ASPRV1: variants seen among roughly 807,000 people sequenced by gnomAD.
The protein encoded by ASPRV1 is retroviral-like aspartic protease 1.
ASPRV1 carries 7 observed loss-of-function variants against 11.0 expected under a neutral mutation model. The observed-to-expected ratio is 0.64, with a 90% confidence interval of 0.36 to 1.20. The LOEUF is 1.20. ASPRV1 is among the 50% of genes most tolerant of loss of function. ASPRV1 has a pLI of 0.02. For missense variants in ASPRV1, 299 were observed against 320.0 expected (o/e 0.93, Z 0.50); for synonymous variants, 136 against 138.4 (o/e 0.98, Z 0.12).
At chr2:69,962,559 C>T (rs1678162408), upstream of ASPRV1, 1 of 152,570 alleles carries the variant, frequency 6.6e-6, no homozygotes, top group Admixed American at 6.5e-5. Flanking sequence ...GGCTCTGGCT[C>T]TGTGCCCCTC....
chr2:70,071,637 G>A, the ASPRV1 span: 1 of 152,182 alleles, frequency 6.6e-6, no homozygotes, highest in African/African-American at 2.4e-5. Flanking sequence ...AGCTACTCAG[G>A]AGGCCAAGGC....
chr2:70,051,417 C>T, the ASPRV1 span: 1 of 152,114 alleles, frequency 6.6e-6, no homozygotes, highest in East Asian at 1.9e-4. Flanking sequence ...AGTTTGGCTC[C>T]GTGAATTGAC....
chr2:70,008,174 G>A, the ASPRV1 span, among the ~76,000 whole-genome samples: 8 of 151,830 alleles, frequency 5.3e-5, no homozygotes, highest in African/African-American at 9.7e-5. Flanking sequence ...TTTTGAATGA[G>A]ATAAATCTAT....
At chr2:70,016,092 C>T in the ASPRV1 span, 1 of 152,218 alleles carries the variant, frequency 6.6e-6, no homozygotes, top group Non-Finnish European at 1.5e-5. Flanking sequence ...AACATTCCAT[C>T]CAACAGCAGC....
upstream of ASPRV1, chr2:69,962,828 G>A (rs558591909): frequency 9.8e-5 from 18 of 184,354 alleles, no homozygotes; most frequent in Non-Finnish European, 1.4e-4. Context: ...CAGAGTCTGG[G>A]GCTCACAAAC....
chr2:70,041,559 T>C, the ASPRV1 span, among the ~76,000 whole-genome samples: 1 of 152,182 alleles, frequency 6.6e-6, no homozygotes, highest in Non-Finnish European at 1.5e-5. Flanking sequence ...ACTCATTCCA[T>C]AAAAATGAGC....
chr2:70,035,866 C>CA, the ASPRV1 span, among the ~76,000 whole-genome samples: 1 of 151,320 alleles, frequency 6.6e-6, no homozygotes, highest in African/African-American at 2.4e-5. Context: ...AATGACTTCA[C>CA]AAAATTTTTT....
At chr2:69,985,593 G>C in the ASPRV1 span, among the ~76,000 whole-genome samples, 27 of 152,222 alleles carry the variant, frequency 1.8e-4, no homozygotes, top group Non-Finnish European at 3.5e-4. Flanking sequence ...TATGGGCTCA[G>C]CTCTGGGCTG....
At chr2:69,940,403 A>T in the ASPRV1 span, 4 of 152,560 alleles carry the variant, frequency 2.6e-5, no homozygotes, top group Non-Finnish European at 4.4e-5. Context: ...GCGCCTCACA[A>T]GTCCACAATG....
At chr2:69,944,438 C>T in the ASPRV1 span, among the ~76,000 whole-genome samples, 88,664 of 152,086 alleles carry the variant, frequency 0.58, 28,958 homozygotes, top group African/African-American at 0.87. Flanking sequence ...ACATTGGCCC[C>T]GGGAGGGGAG....
the ASPRV1 span, among the ~76,000 whole-genome samples, chr2:70,076,623 T>C: frequency 6.6e-6 from 1 of 152,236 alleles, no homozygotes; most frequent in Non-Finnish European, 1.5e-5. Flanking sequence ...TTTGATACAC[T>C]TAGCCTACCA....
At chr2:70,029,281 C>G in the ASPRV1 span, among the ~76,000 whole-genome samples, 1 of 152,106 alleles carries the variant, frequency 6.6e-6, no homozygotes, top group African/African-American at 2.4e-5. Context: ...AAGTGACGCC[C>G]TGACTACCAT....
chr2:69,953,587 T>C, the ASPRV1 span, among the ~76,000 whole-genome samples: 3 of 144,278 alleles, frequency 2.1e-5, no homozygotes, highest in Non-Finnish European at 3.0e-5. Flanking sequence ...GCTGCATAAG[T>C]TTCTGGGACC....
the ASPRV1 span, among the ~76,000 whole-genome samples, chr2:70,066,975 A>G: frequency 6.6e-6 from 1 of 152,228 alleles, no homozygotes; most frequent in African/African-American, 2.4e-5. Context: ...GACTGGAAGC[A>G]GTGATGATAA....
At chr2:70,037,470 G>A in the ASPRV1 span, among the ~76,000 whole-genome samples, 6 of 152,140 alleles carry the variant, frequency 3.9e-5, no homozygotes, top group African/African-American at 7.2e-5. Flanking sequence ...GGGACTACAG[G>A]TGTGCACCAC....
the ASPRV1 span, among the ~76,000 whole-genome samples, chr2:69,946,126 G>A: frequency 6.6e-6 from 1 of 152,148 alleles, no homozygotes; most frequent in African/African-American, 2.4e-5. Flanking sequence ...TATCTGTTTA[G>A]TTACAAGCAG....
chr2:69,937,431 G>A, the ASPRV1 span: 3 of 1,536,104 alleles, frequency 2.0e-6, no homozygotes, highest in Non-Finnish European at 2.6e-6. Flanking sequence ...TCTCCCTTGT[G>A]CTCCCCAACC....
At chr2:69,983,624 T>G in the ASPRV1 span, among the ~76,000 whole-genome samples, 1 of 151,870 alleles carries the variant, frequency 6.6e-6, no homozygotes, top group Non-Finnish European at 1.5e-5. Flanking sequence ...ATCTGAGGAA[T>G]GGGGGAGGGT....
the ASPRV1 span, among the ~76,000 whole-genome samples, chr2:69,982,462 TAA>T: frequency 2.0e-5 from 3 of 151,866 alleles, no homozygotes; most frequent in African/African-American, 7.3e-5. Flanking sequence ...TCTCAAAAAA[TAA>T]GTTTTCTAAG....
Sources: gnomAD v4.1 joint callset for allele counts (sites outside exome capture counted in the v4.1 genomes callset) on GRCh38, gnomAD v4.1.1 for gene constraint, MANE v1.5 for transcripts, NCBI Gene and HGNC (gene_info 2026-07-23, HGNC 2026-07-21) for gene names.